Variants in VPS13B observed in about 807,000 individuals in gnomAD.
VPS13B encodes intermembrane lipid transfer protein VPS13B.
Under a neutral mutation model 426.4 loss-of-function variants are expected in VPS13B, and 285 were observed. The ratio of observed to expected loss-of-function variants is 0.67; its 90% confidence interval spans 0.61 to 0.74. The LOEUF is 0.74. VPS13B is among the 30% of genes least tolerant of loss of function. The probability of loss-of-function intolerance (pLI) is 0.00; values close to 1 mark genes in which losing one functional copy is unlikely to be tolerated. For missense variants in VPS13B, 4,537 were observed against 4,782.6 expected, an observed-to-expected ratio of 0.95 and a Z score of 1.51; for synonymous variants, 1,676 against 1,676.4, an observed-to-expected ratio of 1.00 and a Z score of 0.01.
chr8:99,220,626 T>C (rs983842884), intron 17 of VPS13B, among the ~76,000 whole-genome samples: 2 of 152,120 alleles, frequency 1.3e-5, no homozygotes, highest in African/African-American at 2.4e-5. Context: ...CAAGAAAAGT[T>C]ATGGAGTTTT....
At chr8:99,220,461 A>G (rs1370157717) in intron 17 of VPS13B, among the ~76,000 whole-genome samples, 1 of 152,230 alleles carries the variant, frequency 6.6e-6, no homozygotes, top group Non-Finnish European at 1.5e-5. Context: ...TGAAAACTGT[A>G]TGCACATTAA....
chr8:99,193,250 A>G (rs765496961), intron 17 of VPS13B, among the ~76,000 whole-genome samples, 193 bp downstream of exon 17: 25 of 152,244 alleles, frequency 1.6e-4, no homozygotes, highest in Non-Finnish European at 2.8e-4. Context: ...CCTCGTACCT[A>G]TTTCTGCATA....
At chr8:99,654,025 G>GATT (rs1379399027) in intron 34 of VPS13B, among the ~76,000 whole-genome samples, 1 of 150,812 alleles carries the variant, frequency 6.6e-6, no homozygotes, top group African/African-American at 2.4e-5. Flanking sequence ...ATTGGATGAT[G>GATT]ATGATGATTA....
chr8:99,521,550 A>G (rs1341252468), intron 30 of VPS13B, among the ~76,000 whole-genome samples: 1 of 152,266 alleles, frequency 6.6e-6, no homozygotes, highest in Non-Finnish European at 1.5e-5. Context: ...CCAAGCATAC[A>G]TGGACAACTA....
At chr8:99,540,636 A>C (rs1278415777) in intron 30 of VPS13B, among the ~76,000 whole-genome samples, 1 of 152,088 alleles carries the variant, frequency 6.6e-6, no homozygotes, top group Non-Finnish European at 1.5e-5. Flanking sequence ...CTATTTCTCC[A>C]CTTTTGACCA....
intron 23 of VPS13B, among the ~76,000 whole-genome samples, chr8:99,466,486 A>G (rs1367070550): frequency 6.6e-6 from 1 of 152,152 alleles, no homozygotes; most frequent in South Asian, 2.1e-4. Flanking sequence ...AAATATTCTA[A>G]TACTAAATGG....
At chr8:99,875,308 A>AGAT in intron 61 of VPS13B, 110 bp from the exon 62 acceptor site, 4 of 1,439,572 alleles carry the variant, frequency 2.8e-6, no homozygotes, top group Non-Finnish European at 3.9e-6. Context: ...TGGCTTTAAT[A>AGAT]GATGACCTAA....
At position 99,575,784 on chromosome 8, in the gene VPS13B, G is replaced by C. The variant is rs759630411; in HGVS notation, c.5076G>C (p.Glu1692Asp). Residue 1692 changes from glutamate (E) to aspartate (D), a missense_variant and splice_region_variant, in exon 32 of 62, where the codon GAG becomes GAC. By Grantham distance (45) the Glu-to-Asp change is conservative (BLOSUM62 2). Coordinates refer to ENST00000357162, the MANE Select transcript of VPS13B (RefSeq NM_152564.5). Reference protein sequence around the residue: ...KVVSPENLHTEEILVCGHSLE... With the variant: ...KVVSPENLHTDEILVCGHSLE... The stretch of plus-strand genomic sequence containing the variant: ...TTTCTCCAGAAAATTTGCATACTGA[G>C]GTTAGAACATAATTTTGATTTTATT... 9.9e-6 allele frequency: 16 copies of C among 1,613,116 alleles called. No individual in the cohort carries two copies. The highest frequency in any genetic ancestry group is 1.3e-5 in the Non-Finnish European group (15 of 1,179,498).
chr8:99,853,253 G>T (rs761636056), intron 55 of VPS13B, among the ~76,000 whole-genome samples, 198 bp from the exon 56 acceptor site: 2 of 152,116 alleles, frequency 1.3e-5, no homozygotes, highest in Non-Finnish European at 2.9e-5. Context: ...GTCCCATTGG[G>T]AACATTTCCC....
At chr8:99,540,055 A>T (rs1188548199) in intron 30 of VPS13B, among the ~76,000 whole-genome samples, 5 of 5,708 alleles carry the variant, frequency 8.8e-4, no homozygotes, top group African/African-American at 1.3e-3. Flanking sequence ...ATATATATAT[A>T]TATATATATT....
At chr8:99,438,034 C>CTTTTTTTTTTTTTTTTTTTTTTCTTT (rs746500253) in intron 22 of VPS13B, among the ~76,000 whole-genome samples, 3 of 120,584 alleles carry the variant, frequency 2.5e-5, no homozygotes, top group Non-Finnish European at 3.4e-5. Context: ...TTCTTTTCCT[C>CTTTTTTTTTTTTTTTTTTTTTTCTTT]TTTTTTTTTT....
At chr8:99,145,615 C>T (rs1281582769) in intron 13 of VPS13B, among the ~76,000 whole-genome samples, 1 of 134,610 alleles carries the variant, frequency 7.4e-6, no homozygotes, top group Middle Eastern at 3.6e-3. Context: ...GCATAATTCT[C>T]TGGAGACTCA....
intron 19 of VPS13B, among the ~76,000 whole-genome samples, chr8:99,364,841 G>A (rs2133245968): frequency 1.3e-5 from 2 of 152,260 alleles, no homozygotes; most frequent in South Asian, 4.2e-4. Flanking sequence ...AAAATAGTTT[G>A]AGTAGGATTG....
intron 19 of VPS13B, among the ~76,000 whole-genome samples, chr8:99,275,812 A>G (rs1009223962): frequency 6.6e-6 from 1 of 152,206 alleles, no homozygotes; most frequent in African/African-American, 2.4e-5. Flanking sequence ...AGAAGGATCA[A>G]TGAAGACTGA....
At chr8:99,111,301 A>T (rs1379822779) in intron 6 of VPS13B, 22 bp downstream of exon 6, 9 of 1,582,596 alleles carry the variant, frequency 5.7e-6, no homozygotes, top group East Asian at 4.5e-5. Context: ...TTTTTTTTGC[A>T]GTTAAGTTGC....
intron 39 of VPS13B, among the ~76,000 whole-genome samples, chr8:99,758,538 A>G (rs1810755433): frequency 6.6e-6 from 1 of 152,218 alleles, no homozygotes. Flanking sequence ...TACTAATCTG[A>G]GAACACATGG....
chr8:99,220,780 CTTT>C (rs5893485), intron 17 of VPS13B, among the ~76,000 whole-genome samples: 1 of 112,962 alleles, frequency 8.9e-6, no homozygotes, highest in African/African-American at 3.4e-5. Flanking sequence ...TAGTTTTATT[CTTT>C]TTTTTTTTTT....
chr8:99,303,087 T>G (rs1445826920), intron 19 of VPS13B, among the ~76,000 whole-genome samples: 1 of 151,792 alleles, frequency 6.6e-6, no homozygotes, highest in Non-Finnish European at 1.5e-5. Context: ...GAAACCATCC[T>G]GGCTAACACG....
At chr8:99,087,969 A>G (rs544592076) in intron 3 of VPS13B, among the ~76,000 whole-genome samples, 3 of 152,078 alleles carry the variant, frequency 2.0e-5, no homozygotes, top group Non-Finnish European at 4.4e-5. Flanking sequence ...AGATCAGTTA[A>G]GGTCAGGAGT....
Sources: gnomAD v4.1 joint callset for allele counts (sites outside exome capture counted in the v4.1 genomes callset) on GRCh38, gnomAD v4.1.1 for gene constraint, MANE v1.5 for transcripts, NCBI Gene and HGNC (gene_info 2026-07-23, HGNC 2026-07-21) for gene names.